Variants in EPHA3 observed in about 807,000 individuals in gnomAD.
EPHA3 encodes ephrin type-A receptor 3.
In EPHA3, 42 loss-of-function variants were observed where a neutral mutation model predicts 107.1. That is an observed-to-expected ratio of 0.39 (90% CI 0.31 to 0.51). The LOEUF (loss-of-function observed/expected upper bound fraction) is 0.51. Ranked by LOEUF, EPHA3 falls within the 20% of genes least tolerant of loss-of-function variation. The pLI is 0.78. For missense variants in EPHA3, 1,183 were observed against 1,211.2 expected, an observed-to-expected ratio of 0.98 and a Z score of 0.35; for synonymous variants, 461 against 424.8, an observed-to-expected ratio of 1.09 and a Z score of -1.05.
intron 7 of EPHA3, chr3:89,400,064 A>G: frequency 9.7e-7 from 1 of 1,030,190 alleles, no homozygotes; most frequent in East Asian, 6.2e-5. Context: ...TTTCAAATGA[A>G]TTTTCTTCAT....
At chr3:89,147,578 C>T (rs1307618327) in intron 2 of EPHA3, among the ~76,000 whole-genome samples, 1 of 151,844 alleles carries the variant, frequency 6.6e-6, no homozygotes. Flanking sequence ...TTTGCAGACA[C>T]GAACAGAATC....
At chr3:89,143,580 T>A (rs1704476226) in intron 2 of EPHA3, among the ~76,000 whole-genome samples, 1 of 151,538 alleles carries the variant, frequency 6.6e-6, no homozygotes, top group Admixed American at 6.6e-5. Flanking sequence ...ATGCGGGTTT[T>A]AAAAAAATTC....
chr3:89,114,078 T>C (rs1707190786), intron 1 of EPHA3, among the ~76,000 whole-genome samples: 1 of 152,078 alleles, frequency 6.6e-6, no homozygotes, highest in Non-Finnish European at 1.5e-5. Context: ...GTGAGAATAA[T>C]AGGTGAGGAA....
At chr3:89,316,773 A>G (rs2107371602) in intron 3 of EPHA3, among the ~76,000 whole-genome samples, 1 of 151,554 alleles carries the variant, frequency 6.6e-6, no homozygotes, top group East Asian at 2.0e-4. Context: ...AGGCATTGTT[A>G]AGATTTGCAC....
intron 3 of EPHA3, among the ~76,000 whole-genome samples, chr3:89,328,999 C>G (rs1464730497): frequency 3.9e-5 from 6 of 152,108 alleles, no homozygotes; most frequent in Non-Finnish European, 8.8e-5. Flanking sequence ...GGAACTAACT[C>G]CCTTTCCCAC....
chr3:89,117,685 T>A (rs1707288398), intron 1 of EPHA3, among the ~76,000 whole-genome samples: 1 of 152,082 alleles, frequency 6.6e-6, no homozygotes, highest in Non-Finnish European at 1.5e-5. Context: ...AATAAATATA[T>A]ACCTTTTGAC....
chr3:89,295,213 T>C (rs1046351541), intron 3 of EPHA3, among the ~76,000 whole-genome samples: 13 of 152,196 alleles, frequency 8.5e-5, no homozygotes, highest in Non-Finnish European at 1.5e-4. Context: ...AAGTGTGCAA[T>C]AGTGGTATGT....
chr3:89,263,704 C>A (rs992249422), intron 3 of EPHA3, among the ~76,000 whole-genome samples: 8 of 152,020 alleles, frequency 5.3e-5, no homozygotes, highest in Admixed American at 5.2e-4. Context: ...AGTGTGGGGT[C>A]TTTCTAGGCA....
intron 12 of EPHA3, among the ~76,000 whole-genome samples, chr3:89,429,394 G>T (rs1709518453): frequency 6.6e-6 from 1 of 151,968 alleles, no homozygotes; most frequent in South Asian, 2.1e-4. Context: ...TTCTTCAAAA[G>T]ACTCTTTTTA....
intron 14 of EPHA3, 24 bp from the exon 15 acceptor site, chr3:89,450,153 C>T (rs1709957094): frequency 2.6e-6 from 4 of 1,533,842 alleles, no homozygotes; most frequent in African/African-American, 1.4e-5. Context: ...TTCCTGGTTC[C>T]TGAAAACTTT....
At chr3:89,431,039 T>C in intron 12 of EPHA3, 111 bp from the exon 13 acceptor site, 2 of 1,077,210 alleles carry the variant, frequency 1.9e-6, no homozygotes, top group Middle Eastern at 2.1e-4. Context: ...AGGACTAAAG[T>C]GTGTATAGTC....
intron 11 of EPHA3, among the ~76,000 whole-genome samples, chr3:89,427,692 A>G (rs1709487250): frequency 6.6e-6 from 1 of 151,910 alleles, no homozygotes; most frequent in African/African-American, 2.4e-5. Flanking sequence ...CTTGACTGCT[A>G]TCTAATTGTA....
chr3:89,427,764 T>A (rs1392109759), intron 11 of EPHA3, among the ~76,000 whole-genome samples: 3 of 151,904 alleles, frequency 2.0e-5, no homozygotes, highest in Non-Finnish European at 4.4e-5. Context: ...AAAATGGGAA[T>A]AATGCATATT....
intron 3 of EPHA3, among the ~76,000 whole-genome samples, chr3:89,213,518 T>A (rs2107190030): frequency 6.6e-6 from 1 of 152,128 alleles, no homozygotes; most frequent in African/African-American, 2.4e-5. Flanking sequence ...TTAGGTCACA[T>A]ACAGTTGCAG....
chr3:89,263,817 T>C (rs1375198248), intron 3 of EPHA3, among the ~76,000 whole-genome samples: 2 of 152,170 alleles, frequency 1.3e-5, no homozygotes. Context: ...TTTCAGGCTT[T>C]TTGGCTTGAT....
At chr3:89,460,730 T>A (rs1296794282) in intron 15 of EPHA3, among the ~76,000 whole-genome samples, 1 of 147,026 alleles carries the variant, frequency 6.8e-6, no homozygotes, top group Non-Finnish European at 1.5e-5. Flanking sequence ...ATTCTGAAAC[T>A]GACAGGGTGA....
At chr3:89,311,032 A>G (rs1208836586) in intron 3 of EPHA3, among the ~76,000 whole-genome samples, 2 of 151,984 alleles carry the variant, frequency 1.3e-5, no homozygotes, top group Non-Finnish European at 2.9e-5. Flanking sequence ...TAGTGTTCAT[A>G]GTGGTACTGC....
intron 5 of EPHA3, among the ~76,000 whole-genome samples, chr3:89,375,664 G>C (rs116482562): frequency 0.01 from 1,590 of 151,950 alleles, 11 homozygotes; most frequent in Non-Finnish European, 0.017. Flanking sequence ...TGCATGAATA[G>C]AAGTGACTCT....
chr3:89,128,363 G>A lies in EPHA3; in HGVS notation c.153+1090G>A, dbSNP rs1704136080. On this transcript the variant is annotated intron_variant, in intron 2 of 16. Coordinates refer to ENST00000336596, the MANE Select transcript of EPHA3 (RefSeq NM_005233.6). ...TTCATTAGTTACTTTAGAGGAGAGA[G>A]TATGAAGTAAGCCAGGATTTGGTTT... Among the ~76,000 whole-genome samples the A allele has an allele frequency of 3.9e-5, 6 of 152,166 alleles. No individual in the cohort carries two copies. In the South Asian group the frequency reaches 1.0e-3, roughly 26 times the overall value.
Sources: gnomAD v4.1 joint callset for allele counts (sites outside exome capture counted in the v4.1 genomes callset) on GRCh38, gnomAD v4.1.1 for gene constraint, MANE v1.5 for transcripts, NCBI Gene and HGNC (gene_info 2026-07-23, HGNC 2026-07-21) for gene names.